ZNF277: variants seen among roughly 807,000 people sequenced by gnomAD.
The protein encoded by ZNF277 is nuclear receptor-interacting factor 4.
Under a neutral mutation model 60.7 loss-of-function variants are expected in ZNF277, and 55 were observed. The ratio of observed to expected loss-of-function variants is 0.91; its 90% CI spans 0.73 to 1.13. The LOEUF (loss-of-function observed/expected upper bound fraction) is 1.13. Ranked by LOEUF, ZNF277 falls within the 50% of genes most tolerant of loss-of-function variation. ZNF277 has a pLI of 0.00. For synonymous variants in ZNF277, 178 were observed against 179.3 expected (o/e 0.99, Z 0.06); for missense variants, 510 against 523.0 (o/e 0.98, Z 0.24).
intron 1 of ZNF277, among the ~76,000 whole-genome samples, chr7:112,231,568 A>G (rs1822331405): frequency 6.6e-6 from 1 of 150,782 alleles, no homozygotes; most frequent in Non-Finnish European, 1.5e-5. Flanking sequence ...GCTGGGTTGC[A>G]ATTTTTCAGG....
Position 112,270,561 on chromosome 7 carries a change from CT to C in ZNF277, c.92-16309del, listed in dbSNP as rs1416065068. On this transcript the variant is annotated intron_variant, in intron 1 of 11. Transcript: ENST00000361822. ...ACTTATATTGTATTCTGACATTATT[CT>C]TTAATTTATCAAATATATATGAGCA... 3.3e-5 allele frequency among the ~76,000 whole-genome samples: 5 copies of C among 152,128 alleles called. No individual in the cohort carries two copies. The East Asian group carries it at 7.7e-4, about 23-fold the overall frequency.
Position 112,286,963 on chromosome 7 carries a change from T to C in ZNF277, c.182T>C (p.Ile61Thr). 1 of 1,613,782 alleles carries C rather than the reference T, an allele frequency of 6.2e-7. No homozygotes were observed. Among genetic ancestry groups the C allele is most frequent in the South Asian group, 1.1e-5 (1 of 91,070 alleles). The stretch of plus-strand genomic sequence containing the variant: ...GAAGGTTCTCCATCTGTGCCTTGTA[T>C]TTTCTGTGAAGAACATTTTCCTGTG... ...TLEGSPSVPCIFCEEHFPVAE... is the reference protein window; with the variant it reads ...TLEGSPSVPCTFCEEHFPVAE... Residue 61 changes from isoleucine (I) to threonine (T), a missense_variant, in exon 2 of 12, where the codon ATT (isoleucine) becomes ACT (threonine). Coordinates refer to ENST00000361822, the MANE Select transcript of ZNF277 (RefSeq NM_021994.3).
rs1206149839 is a variant in ZNF277, at chr7:112,336,081, A to ATCCCTC, written c.802-21_802-16dup. 2.5e-6 allele frequency: 4 copies of ATCCCTC among 1,600,538 alleles called. No homozygotes were observed. The Admixed American group carries it at 6.9e-5, about 27-fold the overall frequency. On this transcript the variant is annotated intron_variant, in intron 7 of 11. Transcript: ENST00000361822. ...CCTTCTCTTTCCCCCAATGTCTCTC[A>ATCCCTC]TCCCTCTGTTCTTCCTACAAAGGAA...
chr7:112,246,274 G>C (rs914142626), intron 1 of ZNF277, among the ~76,000 whole-genome samples: 1 of 152,056 alleles, frequency 6.6e-6, no homozygotes, highest in African/African-American at 2.4e-5. Context: ...TATAGTCCCA[G>C]CTACTCAGAA....
chr7:112,256,524 T>A (rs949371525), intron 1 of ZNF277, among the ~76,000 whole-genome samples: 2 of 146,628 alleles, frequency 1.4e-5, no homozygotes, highest in Non-Finnish European at 3.0e-5. Context: ...TCTAAGTGGC[T>A]CACCTCCACC....
intron 1 of ZNF277, among the ~76,000 whole-genome samples, chr7:112,229,755 G>T (rs1225788286): frequency 6.6e-6 from 1 of 152,250 alleles, no homozygotes; most frequent in African/African-American, 2.4e-5. Flanking sequence ...AAGTAACACA[G>T]AAGTGCCGTG....
At chr7:112,270,115 T>TA (rs1302070933) in intron 1 of ZNF277, among the ~76,000 whole-genome samples, 9 of 151,938 alleles carry the variant, frequency 5.9e-5, no homozygotes, top group South Asian at 2.1e-4. Context: ...GTAATCCCCA[T>TA]AAAAAAAGCG....
intron 1 of ZNF277, among the ~76,000 whole-genome samples, chr7:112,220,442 G>C (rs1206493442): frequency 2.0e-5 from 3 of 151,606 alleles, no homozygotes; most frequent in Non-Finnish European, 2.9e-5. Flanking sequence ...GAGTCTTTAG[G>C]GTTTTCTGTA....
In ZNF277 at chr7:112,295,915, G is replaced by A; in HGVS notation, c.340G>A (p.Asp114Asn). Residue 114 changes from aspartate to asparagine, a missense_variant, in exon 3 of 12, where the codon GAT becomes AAT. Physicochemically the swap from Asp to Asn is conservative, Grantham distance 23. Transcript: ENST00000361822. ...AAGGTTCACTGAACAGCCCATCACA[G>A]ATTTTTGTAGTGTAATAAGAATTAA... is the stretch of plus-strand genomic sequence containing the variant. Reference protein sequence around the residue: ...RKRFTEQPITDFCSVIRINST... With the variant: ...RKRFTEQPITNFCSVIRINST... 6.2e-7 allele frequency: 1 copy of A among 1,613,008 alleles called. No individual in the cohort carries two copies. The highest frequency in any genetic ancestry group is 8.5e-7 in the Non-Finnish European group (1 of 1,179,318).
intron 6 of ZNF277, among the ~76,000 whole-genome samples, chr7:112,328,785 GC>G (rs1278755802): frequency 1.3e-5 from 2 of 152,216 alleles, no homozygotes; most frequent in African/African-American, 4.8e-5. Flanking sequence ...CAGGAGAATC[GC>G]TTGAACCCGG....
chr7:112,263,817 G>C (rs62473132), intron 1 of ZNF277, among the ~76,000 whole-genome samples: 22 of 152,054 alleles, frequency 1.4e-4, no homozygotes, highest in African/African-American at 5.3e-4. Flanking sequence ...GTGAGAACCT[G>C]TTGAAAGCTG....
chr7:112,271,137 A>C (rs1437140001), intron 1 of ZNF277, among the ~76,000 whole-genome samples: 2 of 152,170 alleles, frequency 1.3e-5, no homozygotes, highest in African/African-American at 4.8e-5. Context: ...TGCTGGCAGA[A>C]TTCATTGTTA....
At chr7:112,234,098 G>C (rs564324602) in intron 1 of ZNF277, among the ~76,000 whole-genome samples, 80 of 151,714 alleles carry the variant, frequency 5.3e-4, no homozygotes, top group African/African-American at 1.9e-3. Flanking sequence ...GCTTTATTTA[G>C]CCAGTTCATT....
chr7:112,269,208 TTG>T (rs967849939), intron 1 of ZNF277, among the ~76,000 whole-genome samples: 2 of 56,452 alleles, frequency 3.5e-5, no homozygotes, highest in Non-Finnish European at 5.7e-5. Context: ...TGGATTTTTT[TTG>T]TTTTTTTTTT....
At chr7:112,255,034 T>C (rs528465312) in intron 1 of ZNF277, among the ~76,000 whole-genome samples, 39 of 152,226 alleles carry the variant, frequency 2.6e-4, no homozygotes, top group African/African-American at 9.4e-4. Flanking sequence ...TCTATAGTAG[T>C]AGGTAATGAC....
At chr7:112,232,840 T>C (rs1822376885) in intron 1 of ZNF277, among the ~76,000 whole-genome samples, 1 of 152,200 alleles carries the variant, frequency 6.6e-6, no homozygotes, top group Admixed American at 6.5e-5. Context: ...CCTAAGGTTT[T>C]CTGAATGATC....
Position 112,330,069 on chromosome 7 carries a change from G to T in ZNF277, c.669-15G>T. ...ACAAGAGACTTGTTTATCAGTGTTT[G>T]TGTATTTCTTGTAGTTTGCAGTGCT... On this transcript the variant is annotated splice_polypyrimidine_tract_variant and intron_variant, in intron 6 of 11. Coordinates refer to ENST00000361822, the MANE Select transcript of ZNF277 (RefSeq NM_021994.3). 3.7e-6 allele frequency: 6 copies of T among 1,604,538 alleles called. No homozygotes were observed. Among genetic ancestry groups the T allele is most frequent in the Non-Finnish European group, 2.5e-6 (3 of 1,177,216 alleles).
chr7:112,253,399 G>T (rs537004891), intron 1 of ZNF277, among the ~76,000 whole-genome samples: 1 of 152,098 alleles, frequency 6.6e-6, no homozygotes, highest in Non-Finnish European at 1.5e-5. Flanking sequence ...ATACAACCAC[G>T]TGTCACTAAA....
At chr7:112,308,983 G>A (rs764958607) in intron 4 of ZNF277, among the ~76,000 whole-genome samples, 6 of 151,986 alleles carry the variant, frequency 3.9e-5, no homozygotes, top group Non-Finnish European at 8.8e-5. Flanking sequence ...TATTTGTTCA[G>A]ATTCTTCTGT....
Sources: allele counts gnomAD v4.1 joint callset (sites outside exome capture counted in the v4.1 genomes callset), GRCh38; gene constraint gnomAD v4.1.1; transcripts MANE v1.5; gene names NCBI Gene and HGNC (gene_info 2026-07-23, HGNC 2026-07-21).